Variants in VSIG10 observed in about 807,000 individuals in gnomAD.
VSIG10 encodes the protein V-set and immunoglobulin domain-containing protein 10.
In VSIG10, 48 loss-of-function variants were observed where a neutral mutation model predicts 58.7. That is an observed-to-expected ratio of 0.82 (90% CI 0.65 to 1.04). VSIG10 has a LOEUF of 1.04. VSIG10 is among the 50% of genes least tolerant of loss of function. The pLI, the probability that VSIG10 is intolerant of heterozygous loss-of-function variation, is 0.00. For synonymous variants in VSIG10, 260 were observed against 267.1 expected (o/e 0.97, Z 0.26); for missense variants, 628 against 670.0 (o/e 0.94, Z 0.69).
rs757736761 is a variant in VSIG10 at position 118,066,651 on chromosome 12, GTCT to G, written c.1608_1610del (p.Glu536del). The G allele has an allele frequency of 3.3e-5, 54 of 1,613,374 alleles. No individual in the cohort carries two copies. The East Asian group carries it at 4.7e-4, about 14-fold the overall frequency. ...ACCATCCTCTTCTTCAGACTGGCCT[GTCT>G]TCTTCTTGAACAATGTCACTTTGCT... On this transcript the variant is annotated inframe_deletion, in exon 9 of 9. Transcript: ENST00000359236.
At chr12:118,094,447 G>T (rs967494455) in intron 2 of VSIG10, among the ~76,000 whole-genome samples, 2 of 151,920 alleles carry the variant, frequency 1.3e-5, no homozygotes, top group African/African-American at 4.8e-5. Flanking sequence ...GCAGTGGCAC[G>T]ATCTCGGCTC....
At chr12:118,087,732 G>C (rs2033166891) in intron 2 of VSIG10, among the ~76,000 whole-genome samples, 1 of 150,924 alleles carries the variant, frequency 6.6e-6, no homozygotes. Flanking sequence ...CAGCTACTCA[G>C]GACGGTGAGA....
intron 7 of VSIG10, 141 bp from the exon 8 acceptor site, chr12:118,068,738 G>T: frequency 2.7e-6 from 3 of 1,112,376 alleles, no homozygotes; most frequent in Non-Finnish European, 3.7e-6. Flanking sequence ...ATGAGGTGAT[G>T]GTGTGGTAAC....
chr12:118,098,515 G>A (rs1410060485), intron 1 of VSIG10, among the ~76,000 whole-genome samples: 1 of 152,168 alleles, frequency 6.6e-6, no homozygotes, highest in Non-Finnish European at 1.5e-5. Flanking sequence ...GAATCCCACT[G>A]TGGACACAAC....
chr12:118,094,667 G>C, intron 2 of VSIG10, among the ~76,000 whole-genome samples: 1 of 151,962 alleles, frequency 6.6e-6, no homozygotes, highest in East Asian at 1.9e-4. Context: ...ACAGGCATGA[G>C]CCACCATGCC....
chr12:118,079,430 G>A lies in VSIG10; in HGVS notation c.841C>T (p.Gln281Ter). Residue 281 changes from glutamine (Q) to a stop codon, truncating the protein, a stop_gained, in exon 4 of 9, where the codon CAG becomes TAG. Transcript: ENST00000359236. LOFTEE classifies it high-confidence loss of function. ...TTGAACTTCTTGCCATCCGACAGCT[G>A]GGACTCGCTCAGCATTTCCACCCCC... ...KLGVEMLSES[Q>*]LSDGKKFKCV... The A allele has an allele frequency of 6.2e-7, 1 of 1,613,978 alleles. No individual in the cohort carries two copies. Among genetic ancestry groups the A allele is most frequent in the East Asian group, 2.2e-5 (1 of 44,884 alleles).
In VSIG10 at chr12:118,103,631, A is replaced by G. The variant is rs1459322999; in HGVS notation, c.41T>C (p.Val14Ala). 1.9e-5 allele frequency: 28 copies of G among 1,513,436 alleles called. No homozygotes were observed. The highest frequency in any genetic ancestry group is 2.5e-5 in the Non-Finnish European group (28 of 1,136,954). The allele number at this position is 1,513,436 out of a possible 1,614,324, so 93.8% of individuals were successfully genotyped here. ...GGSAPEPRVL[V>A]CLGALLAGWV... ...GCCGGCCAGGAGCGCCCCGAGGCAG[A>G]CGAGGACGCGGGGCTCGGGCGCACT... The change falls in exon 1 of 9, where the codon GTC becomes GCC. Residue 14 changes from valine to alanine, a missense_variant. Transcript: ENST00000359236.
intron 1 of VSIG10, among the ~76,000 whole-genome samples, chr12:118,096,593 A>C (rs77023075): frequency 6.7e-6 from 1 of 150,192 alleles, no homozygotes; most frequent in Non-Finnish European, 1.5e-5. Context: ...AAAAAAAAAA[A>C]AGCACAAAAA....
intron 2 of VSIG10, among the ~76,000 whole-genome samples, chr12:118,084,775 A>T (rs573360206): frequency 6.6e-6 from 1 of 152,310 alleles, no homozygotes; most frequent in South Asian, 2.1e-4. Flanking sequence ...GCTACTCAGG[A>T]GGCTGAAGCA....
chr12:118,097,475 C>T (rs1232033173), intron 1 of VSIG10, among the ~76,000 whole-genome samples: 2 of 147,644 alleles, frequency 1.4e-5, no homozygotes, highest in African/African-American at 2.5e-5. Flanking sequence ...ATTAGCCAGG[C>T]GTGGTGGCGC....
At chr12:118,074,285 T>C (rs2032623556) in intron 4 of VSIG10, among the ~76,000 whole-genome samples, 2 of 152,080 alleles carry the variant, frequency 1.3e-5, no homozygotes, top group African/African-American at 4.8e-5. Flanking sequence ...GGTTTCACCA[T>C]GTTGCCCAGG....
chr12:118,081,028 C>G (rs1415497148), intron 3 of VSIG10, among the ~76,000 whole-genome samples: 2 of 152,004 alleles, frequency 1.3e-5, no homozygotes, highest in Non-Finnish European at 2.9e-5. Context: ...ATCACTTGAG[C>G]TCAGGAGTTT....
intron 2 of VSIG10, among the ~76,000 whole-genome samples, chr12:118,094,621 T>C (rs925687265): frequency 1.3e-5 from 2 of 152,028 alleles, no homozygotes; most frequent in Non-Finnish European, 2.9e-5. Context: ...TGACTTTGGG[T>C]GATCTGCCCA....
In VSIG10 at chr12:118,073,759, T is replaced by C. The variant is rs770379918; in HGVS notation, c.1159A>G (p.Ile387Val). ...CCTACAGGGCTGTCAGCTCGGCAGA[T>C]GTAGTAGCCCTCATCCAGGTCCTGG... ...CSQDLDEGYY[I>V]CRADSPVGVR... is the part of the protein sequence containing the mutation. Residue 387 changes from isoleucine to valine, a missense_variant, in exon 5 of 9, where the codon ATC becomes GTC. Transcript: ENST00000359236. 5.6e-6 allele frequency: 9 copies of C among 1,613,926 alleles called. No individual in the cohort carries two copies. The South Asian group carries it at 9.9e-5, about 18-fold the overall frequency.
intron 1 of VSIG10, among the ~76,000 whole-genome samples, chr12:118,097,069 C>T (rs540727046): frequency 6.6e-6 from 1 of 152,168 alleles, no homozygotes; most frequent in East Asian, 1.9e-4. Flanking sequence ...ACAAACAACA[C>T]ATACAGAACG....
intron 7 of VSIG10, among the ~76,000 whole-genome samples, chr12:118,070,782 G>C: frequency 6.6e-6 from 1 of 152,224 alleles, no homozygotes; most frequent in South Asian, 2.1e-4. Flanking sequence ...CTGAAGGAAG[G>C]CACTGCTGCT....
intron 2 of VSIG10, among the ~76,000 whole-genome samples, chr12:118,094,109 T>C (rs904026196): frequency 6.6e-6 from 1 of 152,058 alleles, no homozygotes; most frequent in Non-Finnish European, 1.5e-5. Flanking sequence ...TCCATATGTT[T>C]TTTTTAGAGG....
At chr12:118,093,766 G>A (rs1362180160) in intron 2 of VSIG10, among the ~76,000 whole-genome samples, 4 of 151,794 alleles carry the variant, frequency 2.6e-5, no homozygotes, top group South Asian at 2.1e-4. Context: ...AAAATTAGCC[G>A]GGAGAGTTGG....
chr12:118,096,897 G>C (rs113112285), intron 1 of VSIG10, among the ~76,000 whole-genome samples: 2,317 of 151,984 alleles, frequency 0.015, 53 homozygotes, highest in African/African-American at 0.053. Context: ...AAATTAGCCG[G>C]GCGTGGTGGC....
Sources: gnomAD v4.1 joint callset for allele counts (sites outside exome capture counted in the v4.1 genomes callset) on GRCh38, gnomAD v4.1.1 for gene constraint, MANE v1.5 for transcripts, NCBI Gene and HGNC (gene_info 2026-07-23, HGNC 2026-07-21) for gene names.